The following GALK2 variants were observed in gnomAD, a reference collection of about 807,000 sequenced individuals.
The protein encoded by GALK2 is galactokinase 2.
A neutral mutation model predicts 52.4 loss-of-function variants in GALK2; 36 were observed. The observed-to-expected ratio is 0.69, with a 90% CI of 0.53 to 0.91. The LOEUF is 0.91. Ranked by LOEUF, GALK2 falls within the 40% of genes least tolerant of loss-of-function variation. The probability of loss-of-function intolerance (pLI) is 0.00; values close to 1 mark genes in which losing one functional copy is unlikely to be tolerated. For synonymous variants in GALK2, 176 were observed against 199.1 expected (o/e 0.88, Z 0.98); for missense variants, 579 against 559.1 (o/e 1.04, Z -0.36).
In GALK2 at chr15:49,207,350, ATAAAATGAATTCG is replaced by A. The variant is rs1454899323; in HGVS notation, c.142+6114_142+6126del. On this transcript the variant is annotated intron_variant, in intron 2 of 9. Transcript: ENST00000560031. ...TTGATATTAGGGTGATGCTGGCTTCATAAAATGAATTCGTAAAATGAATTCGGAAAGGTTCCTT... is the reference window on the plus strand; with the variant it reads ...TTGATATTAGGGTGATGCTGGCTTCATAAAATGAATTCGGAAAGGTTCCTT... Among the ~76,000 whole-genome samples the A allele has an allele frequency of 9.2e-5, 14 of 152,334 alleles. No homozygotes were observed. In the East Asian group the frequency reaches 2.3e-3, roughly 25 times the overall value.
chr15:49,360,282 G>C (rs1220333196), intron 3 of GALK2, among the ~76,000 whole-genome samples: 1 of 151,700 alleles, frequency 6.6e-6, no homozygotes, highest in Non-Finnish European at 1.5e-5. Flanking sequence ...GATAGTGGGA[G>C]CATGTGTTTA....
chr15:49,216,520 A>G (rs923650902), intron 2 of GALK2, among the ~76,000 whole-genome samples: 1 of 152,190 alleles, frequency 6.6e-6, no homozygotes, highest in African/African-American at 2.4e-5. Flanking sequence ...AGCTGGTGTC[A>G]CACTTGGTCA....
intron 1 of GALK2, among the ~76,000 whole-genome samples, chr15:49,158,374 ACTAC>A (rs1305506013): frequency 6.6e-6 from 1 of 152,228 alleles, no homozygotes; most frequent in South Asian, 2.1e-4. Flanking sequence ...AGGTGAACAA[ACTAC>A]CTAGTTTATT....
Position 49,254,567 on chromosome 15 carries a change from C to T in GALK2, c.504+15200C>T, listed in dbSNP as rs369637439. On this transcript the variant is annotated intron_variant, in intron 5 of 9. Coordinates refer to ENST00000560031, the MANE Select transcript of GALK2 (RefSeq NM_002044.4). ...TTTCATGACAAAATATTTTAATTCT[C>T]ATCAGGTTTTATAAATAGTTCTTCA... 1.7e-4 allele frequency among the ~76,000 whole-genome samples: 25 copies of T among 143,246 alleles called. 2 individuals carry two copies. In the South Asian group the frequency reaches 2.0e-3, roughly 12 times the overall value. The allele number at this position is 143,246 out of a possible 152,430, so 94.0% of individuals were successfully genotyped here.
chr15:49,270,028 CTCT>C (rs1167864416), intron 5 of GALK2, among the ~76,000 whole-genome samples: 1 of 152,188 alleles, frequency 6.6e-6, no homozygotes, highest in Admixed American at 6.5e-5. Flanking sequence ...TTCTTGCTCC[CTCT>C]TCTTAGAATG....
chr15:49,256,860 C>A (rs1329641911), intron 5 of GALK2, among the ~76,000 whole-genome samples: 1 of 152,082 alleles, frequency 6.6e-6, no homozygotes, highest in African/African-American at 2.4e-5. Context: ...CAAATCACAA[C>A]TGATTTAGAT....
At chr15:49,156,196 C>A in intron 1 of GALK2, 1 of 622,434 alleles carries the variant, frequency 1.6e-6, no homozygotes, top group Admixed American at 2.8e-5. Flanking sequence ...GTTGAGTTGC[C>A]TTAAATCTTA....
At chr15:49,264,757 T>G (rs866980492) in intron 5 of GALK2, among the ~76,000 whole-genome samples, 10 of 151,348 alleles carry the variant, frequency 6.6e-5, no homozygotes, top group East Asian at 3.9e-4. Context: ...TTTTGGTGTG[T>G]ATGTCCTTTC....
In GALK2 at chr15:49,276,904, G is replaced by GGTT. The variant is rs1472846709; in HGVS notation, c.505-5083_505-5082insGTT. 1.8e-4 allele frequency among the ~76,000 whole-genome samples: 14 copies of GGTT among 77,906 alleles called. No homozygotes were observed. In the South Asian group the frequency reaches 7.6e-3, roughly 42 times the overall value. 51.1% of individuals were successfully genotyped at this position (77,906 alleles called of 152,430 possible). On this transcript the variant is annotated intron_variant, in intron 5 of 9. Transcript: ENST00000560031. The stretch of plus-strand genomic sequence containing the variant: ...AGCTTTTTTCTTAATAGAATCTGAG[G>GGTT]TTTTTTTTTTTTTTTTTTGGTTTTT...
Position 49,328,824 on chromosome 15 carries a change from C to A in GALK2, c.*665C>A. 3.6e-6 allele frequency: 5 copies of A among 1,408,350 alleles called. No individual in the cohort carries two copies. Among genetic ancestry groups the A allele is most frequent in the Non-Finnish European group, 4.6e-6 (5 of 1,082,198 alleles). 87.2% of individuals were successfully genotyped at this position (1,408,350 alleles called of 1,614,324 possible). On this transcript the variant is annotated 3_prime_UTR_variant, in exon 10 of 10. Coordinates refer to ENST00000560031, the MANE Select transcript of GALK2 (RefSeq NM_002044.4). ...AGGATACAGGAAGAAAATTCAGACT[C>A]ATTTGAATATTTGTAAACCATGTAA...
intron 1 of GALK2, among the ~76,000 whole-genome samples, chr15:49,189,494 A>G (rs185827188): frequency 3.3e-4 from 51 of 152,280 alleles, no homozygotes; most frequent in Admixed American, 3.0e-3. Context: ...TTTTTCCTAT[A>G]TATAAATACC....
At chr15:49,162,921 T>C (rs1435341818) in intron 1 of GALK2, among the ~76,000 whole-genome samples, 1 of 152,242 alleles carries the variant, frequency 6.6e-6, no homozygotes, top group African/African-American at 2.4e-5. Flanking sequence ...AATTGTGAGA[T>C]AATAAATGTG....
At chr15:49,355,465 C>T (rs560253390) in intron 3 of GALK2, among the ~76,000 whole-genome samples, 44 of 152,032 alleles carry the variant, frequency 2.9e-4, no homozygotes, top group South Asian at 1.2e-3. Flanking sequence ...GGAGCCGATG[C>T]GATCAACTGG....
intron 1 of GALK2, among the ~76,000 whole-genome samples, chr15:49,189,028 T>C (rs986262946): frequency 9.2e-5 from 14 of 152,190 alleles, no homozygotes; most frequent in African/African-American, 2.9e-4. Flanking sequence ...TTCCTTACCA[T>C]GCAGGCTAAA....
intron 3 of GALK2, 77 bp downstream of exon 3, chr15:49,217,390 A>C: frequency 7.5e-7 from 1 of 1,332,142 alleles, no homozygotes; most frequent in Non-Finnish European, 1.0e-6. Context: ...GGAGACATCA[A>C]ATTTGTAACA....
chr15:49,207,671 T>C (rs576491649), intron 2 of GALK2, among the ~76,000 whole-genome samples: 217 of 152,376 alleles, frequency 1.4e-3, no homozygotes, highest in African/African-American at 5.1e-3. Context: ...AATGATCTTT[T>C]GTATTTCAGT....
At chr15:49,322,330 T>G (rs1217867142) in intron 9 of GALK2, among the ~76,000 whole-genome samples, 1 of 152,262 alleles carries the variant, frequency 6.6e-6, no homozygotes, top group Non-Finnish European at 1.5e-5. Flanking sequence ...TATTTTCTAC[T>G]TATTCGATAA....
chr15:49,211,914 A>G (rs1166014153), intron 2 of GALK2, among the ~76,000 whole-genome samples: 1 of 152,146 alleles, frequency 6.6e-6, no homozygotes, highest in Non-Finnish European at 1.5e-5. Context: ...GGGTGGGGAC[A>G]CAGATCCAAG....
chr15:49,220,593 T>TA (rs2089725434), intron 3 of GALK2, among the ~76,000 whole-genome samples: 1 of 152,220 alleles, frequency 6.6e-6, no homozygotes, highest in Non-Finnish European at 1.5e-5. Context: ...TTTGGATAAA[T>TA]ACGCAGTATT....
Sources: gnomAD v4.1 joint callset for allele counts (sites outside exome capture counted in the v4.1 genomes callset) on GRCh38, gnomAD v4.1.1 for gene constraint, MANE v1.5 for transcripts, NCBI Gene and HGNC (gene_info 2026-07-23, HGNC 2026-07-21) for gene names.